Variants in TBC1D1 observed in about 807,000 individuals in gnomAD.
TBC1D1 encodes the protein TBC1 (tre-2/USP6, BUB2, cdc16) domain family, member 1.
In TBC1D1, 89 loss-of-function variants were observed where a neutral mutation model predicts 125.6. The ratio of observed to expected loss-of-function variants is 0.71; its 90% confidence interval spans 0.60 to 0.85. The LOEUF is 0.85. Among genes scored for constraint, TBC1D1 ranks in the 40% least tolerant of loss-of-function variants. The pLI, the probability that TBC1D1 is intolerant of heterozygous loss-of-function variation, is 0.00. For synonymous variants in TBC1D1, 565 were observed against 564.1 expected (o/e 1.00, Z -0.02); for missense variants, 1,377 against 1,469.2 (o/e 0.94, Z 1.03).
chr4:38,123,078 C>T (rs1560267346), intron 17 of TBC1D1, among the ~76,000 whole-genome samples: 1 of 152,168 alleles, frequency 6.6e-6, no homozygotes, highest in African/African-American at 2.4e-5. Context: ...GTTGTGCTGA[C>T]AAAAGTTTCC....
chr4:38,049,638 G>A lies in TBC1D1; in HGVS notation c.1650G>A (p.Lys550=). ...CCCAGGAGCCATCTGTGTGTGAAAA[G>A]GAGGCCTTGCCCATCTCTGAGAGCT... Residue 550 remains lysine (K), a synonymous_variant, in exon 11 of 20, where the codon AAG becomes AAA. Coordinates refer to ENST00000261439, the MANE Select transcript of TBC1D1 (RefSeq NM_015173.4). The A allele has an allele frequency of 6.2e-7, 1 of 1,609,776 alleles. No homozygotes were observed. Among genetic ancestry groups the A allele is most frequent in the Non-Finnish European group, 8.5e-7 (1 of 1,177,006 alleles).
chr4:38,084,221 A>G lies in TBC1D1; in HGVS notation c.2051-5711A>G, dbSNP rs1699815244. Reference sequence around the variant, plus strand: ...AGTGCTGGGATTACAGGTGTGAGCCACCATGCCCGGCCATGAATGTTGTCT... The same window carrying G: ...AGTGCTGGGATTACAGGTGTGAGCCGCCATGCCCGGCCATGAATGTTGTCT... On this transcript the variant is annotated intron_variant, in intron 12 of 19. Transcript: ENST00000261439. 3.9e-5 allele frequency among the ~76,000 whole-genome samples: 6 copies of G among 152,308 alleles called. No individual in the cohort carries two copies. The South Asian group carries it at 1.2e-3, about 32-fold the overall frequency.
At chr4:38,038,948 G>GAAAAAAAA (rs565226039) in intron 8 of TBC1D1, among the ~76,000 whole-genome samples, 14 of 137,850 alleles carry the variant, frequency 1.0e-4, no homozygotes, top group South Asian at 4.7e-4. Flanking sequence ...TCCCTCTCGG[G>GAAAAAAAA]AAAAAAAAAA....
intron 2 of TBC1D1, among the ~76,000 whole-genome samples, chr4:37,983,917 C>T (rs1287892257): frequency 1.3e-5 from 2 of 152,198 alleles, no homozygotes; most frequent in Non-Finnish European, 2.9e-5. Context: ...CCCTCCCTTC[C>T]TATAAGCCTT....
rs1215976091 is a variant in TBC1D1 at position 38,121,970 on chromosome 4, C to T, written c.2963-2992C>T. Among the ~76,000 whole-genome samples the T allele has an allele frequency of 1.8e-4, 28 of 152,196 alleles. 1 individual carries two copies. The highest frequency in any genetic ancestry group is 1.8e-3 in the Admixed American group (28 of 15,280). ...CCAAGCAAAGCTTCCTGCAGTCCTTCCTTCAACTCTGAATTCAAGCACATT... is the reference window on the plus strand; with the variant it reads ...CCAAGCAAAGCTTCCTGCAGTCCTTTCTTCAACTCTGAATTCAAGCACATT... On this transcript the variant is annotated intron_variant, in intron 17 of 19. Coordinates refer to ENST00000261439, the MANE Select transcript of TBC1D1 (RefSeq NM_015173.4).
intron 9 of TBC1D1, among the ~76,000 whole-genome samples, chr4:38,045,201 A>G (rs1049404850): frequency 6.6e-6 from 1 of 152,210 alleles, no homozygotes; most frequent in Non-Finnish European, 1.5e-5. Flanking sequence ...TGAGAAATCA[A>G]ATCTGATTTT....
At chr4:38,019,668 A>G (rs931640260) in intron 4 of TBC1D1, among the ~76,000 whole-genome samples, 3 of 152,200 alleles carry the variant, frequency 2.0e-5, no homozygotes, top group Non-Finnish European at 4.4e-5. Context: ...ATGTATTAAT[A>G]TTTATGGCAG....
At chr4:37,966,775 C>T (rs1052603299) in intron 2 of TBC1D1, among the ~76,000 whole-genome samples, 2 of 152,194 alleles carry the variant, frequency 1.3e-5, no homozygotes, top group African/African-American at 2.4e-5. Context: ...CCCCCTACCC[C>T]CCAACAGGCC....
At chr4:37,906,314 A>G (rs1254460996) in intron 2 of TBC1D1, among the ~76,000 whole-genome samples, 1 of 151,990 alleles carries the variant, frequency 6.6e-6, no homozygotes, top group Non-Finnish European at 1.5e-5. Flanking sequence ...TGCCTGGCTA[A>G]TTTTTGTATT....
intron 2 of TBC1D1, among the ~76,000 whole-genome samples, chr4:37,935,655 C>T (rs1237805232): frequency 6.6e-6 from 1 of 152,210 alleles, no homozygotes; most frequent in Non-Finnish European, 1.5e-5. Flanking sequence ...CCAGAGCGAT[C>T]TTTCTAATTT....
chr4:38,131,752 T>C (rs1341444426), intron 18 of TBC1D1, among the ~76,000 whole-genome samples: 1 of 152,248 alleles, frequency 6.6e-6, no homozygotes, highest in Non-Finnish European at 1.5e-5. Flanking sequence ...TAATCCCTGC[T>C]GACCTCACGG....
intron 14 of TBC1D1, among the ~76,000 whole-genome samples, chr4:38,098,170 C>T (rs77634216): frequency 0.1 from 15,453 of 152,280 alleles, 981 homozygotes; most frequent in Non-Finnish European, 0.13. Flanking sequence ...TTGCACTGAG[C>T]AGAGGATCTT....
chr4:38,064,817 G>A (rs28444218), intron 12 of TBC1D1, among the ~76,000 whole-genome samples: 49,035 of 151,366 alleles, frequency 0.32, 8,341 homozygotes, highest in East Asian at 0.62. Context: ...TAGAGACGGG[G>A]TTTCACCACG....
At chr4:38,110,323 T>C in intron 15 of TBC1D1, 1 of 982,178 alleles carries the variant, frequency 1.0e-6, no homozygotes, top group Admixed American at 6.1e-5. Flanking sequence ...GACCTGCTGC[T>C]TATTGAGTTT....
rs1560455450 is a variant in TBC1D1 at position 37,902,170 on chromosome 4, G to C, written c.75G>C (p.Leu25=). Reference sequence around the variant, plus strand: ...TCTCGGTGGATTTTGGCCTGCAGCTGGTGGGCTCCCTGCCTGTGCATTCCC... The same window carrying C: ...TCTCGGTGGATTTTGGCCTGCAGCTCGTGGGCTCCCTGCCTGTGCATTCCC... Residue 25 remains leucine (L), a synonymous_variant, in exon 2 of 20, where the codon CTG becomes CTC. Transcript: ENST00000261439. 2 of 1,612,570 alleles carry C rather than the reference G, an allele frequency of 1.2e-6. No individual in the cohort carries two copies. The highest frequency in any genetic ancestry group is 8.5e-7 in the Non-Finnish European group (1 of 1,179,452).
intron 15 of TBC1D1, chr4:38,110,419 C>T (rs1762012418): frequency 4.1e-6 from 4 of 985,376 alleles, no homozygotes; most frequent in Non-Finnish European, 4.8e-6. Flanking sequence ...GAAGGCTCTT[C>T]CCCCTCCAAG....
chr4:38,052,624 T>C (rs533760495), intron 11 of TBC1D1, among the ~76,000 whole-genome samples: 1 of 152,180 alleles, frequency 6.6e-6, no homozygotes, highest in East Asian at 1.9e-4. Flanking sequence ...TGTGAGCCAC[T>C]GCACCCTGCT....
chr4:37,947,103 C>T (rs1726861665), intron 2 of TBC1D1, among the ~76,000 whole-genome samples: 2 of 152,152 alleles, frequency 1.3e-5, no homozygotes, highest in Non-Finnish European at 2.9e-5. Context: ...CTCCCTTACC[C>T]GCACTCCCCA....
chr4:38,006,564 T>G (rs938698678), intron 2 of TBC1D1, among the ~76,000 whole-genome samples: 11 of 147,626 alleles, frequency 7.5e-5, no homozygotes, highest in African/African-American at 2.8e-4. Flanking sequence ...CTGCAACCTC[T>G]GCCTTCCGGG....
Sources: gnomAD v4.1 joint callset for allele counts (sites outside exome capture counted in the v4.1 genomes callset) on GRCh38, gnomAD v4.1.1 for gene constraint, MANE v1.5 for transcripts, NCBI Gene and HGNC (gene_info 2026-07-23, HGNC 2026-07-21) for gene names.